NKD2: variants seen among roughly 807,000 people sequenced by gnomAD.
NKD2 encodes the protein NKD inhibitor of Wnt signaling pathway 2, also known as protein naked cuticle homolog 2.
NKD2 carries 43 observed loss-of-function variants against 34.8 expected under a neutral mutation model. That is an observed-to-expected ratio of 1.24 (90% CI 0.97 to 1.60). NKD2 has a LOEUF of 1.60. Among genes scored for constraint, NKD2 ranks in the 40% most tolerant of loss-of-function variants. NKD2 has a pLI of 0.00. For synonymous variants in NKD2, 278 were observed against 265.1 expected, an observed-to-expected ratio of 1.05 and a Z score of -0.47; for missense variants, 675 against 627.1, an observed-to-expected ratio of 1.08 and a Z score of -0.82.
At position 1,030,671 on chromosome 5, in the gene NKD2, G is replaced by T. The variant is rs76854554; in HGVS notation, c.142-1481G>T. On this transcript the variant is annotated intron_variant, in intron 3 of 9. Transcript: ENST00000296849. Reference sequence around the variant, plus strand: ...TGCTGTGTGGATGTACAAAGGCCTCGCCGGGCTGGGCTCATGGGGCCCCTC... The same window carrying T: ...TGCTGTGTGGATGTACAAAGGCCTCTCCGGGCTGGGCTCATGGGGCCCCTC... 1.1e-3 allele frequency among the ~76,000 whole-genome samples: 166 copies of T among 152,322 alleles called. 2 individuals carry two copies. The East Asian group carries it at 0.031, about 28-fold the overall frequency.
At chr5:1,017,119 TC>T (rs1755989585) in intron 3 of NKD2, among the ~76,000 whole-genome samples, 1 of 152,180 alleles carries the variant, frequency 6.6e-6, no homozygotes, top group South Asian at 2.1e-4. Context: ...ATCCTACTTC[TC>T]ACCAGGACGT....
Position 1,009,479 on chromosome 5 carries a change from A to C in NKD2, c.62-2A>C. Reference sequence around the variant, plus strand: ...TCCCGCGCGTCCGCCCCCGGACCGCAGGGGACAGCTTCGTGGCGTCCGCGT... The same window carrying C: ...TCCCGCGCGTCCGCCCCCGGACCGCCGGGGACAGCTTCGTGGCGTCCGCGT... On this transcript the variant is annotated splice_acceptor_variant, in intron 2 of 9. Coordinates refer to ENST00000296849, the MANE Select transcript of NKD2 (RefSeq NM_033120.4). LOFTEE classifies it high-confidence loss of function. This position sits in a 1 kb window ranked among gnomAD's most constrained non-coding sequence, Gnocchi z 6.9. 6.7e-7 allele frequency: 1 copy of C among 1,497,706 alleles called. No individual in the cohort carries two copies. Among genetic ancestry groups the C allele is most frequent in the Non-Finnish European group, 8.8e-7 (1 of 1,131,222 alleles). The allele number at this position is 1,497,706 out of a possible 1,614,324, so 92.8% of individuals were successfully genotyped here. A position where few individuals can be genotyped will look rare whatever the true frequency, so the allele number is the denominator to read the frequency against.
chr5:1,027,764 G>T (rs2150741153), intron 3 of NKD2, among the ~76,000 whole-genome samples: 1 of 152,364 alleles, frequency 6.6e-6, no homozygotes, highest in African/African-American at 2.4e-5. Flanking sequence ...CCCAGGAGGG[G>T]ACAGCGCCTC....
intron 3 of NKD2, among the ~76,000 whole-genome samples, chr5:1,015,666 C>T (rs1755920856): frequency 6.6e-6 from 1 of 152,200 alleles, no homozygotes; most frequent in African/African-American, 2.4e-5. Flanking sequence ...GTGAGGTCAG[C>T]ATTTAGAGGC....
chr5:1,035,808 G>A, intron 8 of NKD2: 1 of 396,700 alleles, frequency 2.5e-6, no homozygotes, highest in East Asian at 4.4e-5. Context: ...GGTGGCTGGG[G>A]CAGTGGCTGA....
rs1733847198 is a variant in NKD2, at chr5:1,035,389, A to C, written c.575A>C (p.Asp192Ala). The change falls in exon 8 of 10, where the codon GAC becomes GCC. Residue 192 changes from aspartate to alanine, a missense_variant and splice_region_variant. Coordinates refer to ENST00000296849, the MANE Select transcript of NKD2 (RefSeq NM_033120.4). ...AGTAATGGCAGGACCCCCCTTTCAG[A>C]CCGGGAGCCCACCCGTTGCAGGATG... ...KRKEGPPAGQDREPTRCRMEG... is the reference protein window; with the variant it reads ...KRKEGPPAGQAREPTRCRMEG... 1.3e-6 allele frequency: 2 copies of C among 1,556,448 alleles called. No individual in the cohort carries two copies. Among genetic ancestry groups the C allele is most frequent in the African/African-American group, 2.7e-5 (2 of 73,326 alleles).
intron 3 of NKD2, among the ~76,000 whole-genome samples, chr5:1,020,782 T>G (rs1189624017): frequency 6.6e-6 from 1 of 151,460 alleles, no homozygotes; most frequent in Non-Finnish European, 1.5e-5. Context: ...CTTGTAAGGA[T>G]GCCCCGTGGG....
intron 3 of NKD2, among the ~76,000 whole-genome samples, chr5:1,019,850 C>T (rs931356338): frequency 1.3e-5 from 2 of 151,544 alleles, no homozygotes; most frequent in African/African-American, 4.8e-5. Context: ...TGAAAGAAAA[C>T]AAAAACGTCC....
At chr5:1,020,349 TAC>T (rs1407674852) in intron 3 of NKD2, among the ~76,000 whole-genome samples, 6 of 152,180 alleles carry the variant, frequency 3.9e-5, no homozygotes, top group Non-Finnish European at 8.8e-5. Flanking sequence ...GTATAGAGGT[TAC>T]ACACACATGT....
chr5:1,029,563 C>T (rs572894309), intron 3 of NKD2, among the ~76,000 whole-genome samples: 2 of 152,292 alleles, frequency 1.3e-5, no homozygotes, highest in South Asian at 4.1e-4. Context: ...CCCACAAGTG[C>T]GCTCAGAATT....
At position 1,037,897 on chromosome 5, in the gene NKD2, G is replaced by A. The variant is rs538155733; in HGVS notation, c.880G>A (p.Val294Ile). Residue 294 changes from valine (V) to isoleucine (I), a missense_variant, in exon 10 of 10, where the codon GTA becomes ATA. Coordinates refer to ENST00000296849, the MANE Select transcript of NKD2 (RefSeq NM_033120.4). ...SRSQEPDTHA[V>I]HHRRSQVLVE... ...CTCCCAGGAGCCAGATACACATGCCGTACACCACCGCAGGTCACAGGTGCT... is the reference window on the plus strand; with the variant it reads ...CTCCCAGGAGCCAGATACACATGCCATACACCACCGCAGGTCACAGGTGCT... 18 of 1,606,182 alleles carry A rather than the reference G, an allele frequency of 1.1e-5. No individual in the cohort carries two copies. The highest frequency in any genetic ancestry group is 1.7e-4 in the Middle Eastern group (1 of 6,038).
At chr5:1,021,263 A>G (rs149753672) in intron 3 of NKD2, among the ~76,000 whole-genome samples, 221 of 152,138 alleles carry the variant, frequency 1.5e-3, no homozygotes, top group Admixed American at 5.0e-3. Context: ...CTCCGTCTGA[A>G]TGTATCTAGG....
At chr5:1,011,590 A>G (rs543545269) in intron 3 of NKD2, among the ~76,000 whole-genome samples, 1 of 152,274 alleles carries the variant, frequency 6.6e-6, no homozygotes, top group East Asian at 1.9e-4. Context: ...CCTTCTCCAA[A>G]GTCCACCTCC....
At chr5:1,030,820 A>C (rs918528778) in intron 3 of NKD2, among the ~76,000 whole-genome samples, 8 of 152,136 alleles carry the variant, frequency 5.3e-5, no homozygotes, top group African/African-American at 1.9e-4. Context: ...TCCCGCTGGG[A>C]GCTGCCCACC....
intron 3 of NKD2, among the ~76,000 whole-genome samples, chr5:1,031,604 T>G (rs982867273): frequency 6.6e-6 from 1 of 152,202 alleles, no homozygotes; most frequent in Admixed American, 6.5e-5. Context: ...AGGCTGCAGA[T>G]TATTCATGAG....
At chr5:1,033,299 G>C in intron 4 of NKD2, 73 bp from the exon 5 acceptor site, 1 of 1,396,808 alleles carries the variant, frequency 7.2e-7, no homozygotes, top group African/African-American at 1.4e-5. Flanking sequence ...GGAGAGCAGC[G>C]AGGGTCCCCA....
At position 1,038,217 on chromosome 5, in the gene NKD2, C is replaced by T. The variant is rs370259208; in HGVS notation, c.1200C>T (p.His400=). 3.8e-5 allele frequency: 61 copies of T among 1,591,714 alleles called. No homozygotes were observed. Among genetic ancestry groups the T allele is most frequent in the Admixed American group, 3.6e-4 (21 of 57,800 alleles). The change falls in exon 10 of 10, where the codon CAC becomes CAT. Residue 400 remains histidine, a synonymous_variant. Transcript: ENST00000296849. The surrounding 1 kb of genome is among the most constrained non-coding windows in gnomAD (Gnocchi z 4.5). ...REGHSPLKAP[H]AQPATVEHEV... ...GCCACTCGCCACTCAAGGCCCCACA[C>T]GCTCAGCCTGCCACAGTGGAGCACG...
chr5:1,033,855 C>T (rs773244421), intron 5 of NKD2, among the ~76,000 whole-genome samples: 3 of 152,212 alleles, frequency 2.0e-5, no homozygotes, highest in African/African-American at 7.2e-5. Context: ...ACAGGGCTTC[C>T]GTTTCCCGGG....
rs1733965200 is a variant in NKD2, at chr5:1,036,708, T to G, written c.787+324T>G. 4 of 527,884 alleles carry G rather than the reference T, an allele frequency of 7.6e-6. No individual in the cohort carries two copies. The Admixed American group carries it at 9.0e-5, about 12-fold the overall frequency. 32.7% of individuals were successfully genotyped at this position (527,884 alleles called of 1,614,324 possible). On this transcript the variant is annotated intron_variant, in intron 9 of 9. Transcript: ENST00000296849. ...GTTTGCATTCAGGGAAACCCTGCCT[T>G]GGGGTGAGAAGTCAGTATTTTAGGG...
Sources: allele counts gnomAD v4.1 joint callset (sites outside exome capture counted in the v4.1 genomes callset), GRCh38; gene constraint gnomAD v4.1.1; non-coding constraint Gnocchi (gnomAD v3.1); transcripts MANE v1.5; gene names NCBI Gene and HGNC (gene_info 2026-07-23, HGNC 2026-07-21).